The following NELL2 variants were observed in gnomAD, a reference collection of about 807,000 sequenced individuals.
NELL2 encodes neural EGFL like 2, also known as protein kinase C-binding protein NELL2.
In NELL2, 41 loss-of-function variants were observed where a neutral mutation model predicts 109.6. That is an observed-to-expected ratio of 0.37 (90% CI 0.29 to 0.49). The LOEUF (loss-of-function observed/expected upper bound fraction) is 0.49, where lower values mean the gene tolerates loss of function less well. Among genes scored for constraint, NELL2 ranks in the 20% least tolerant of loss-of-function variants. The pLI is 0.98. For synonymous variants in NELL2, 355 were observed against 344.7 expected (o/e 1.03, Z -0.33); for missense variants, 900 against 1,008.3 (o/e 0.89, Z 1.45).
At chr12:44,674,422 G>A (rs1314193171) in intron 12 of NELL2, among the ~76,000 whole-genome samples, 3 of 152,044 alleles carry the variant, frequency 2.0e-5, no homozygotes, top group Non-Finnish European at 2.9e-5. Flanking sequence ...GGTGTGGCAG[G>A]GCTTCAGGTG....
upstream of NELL2, among the ~76,000 whole-genome samples, chr12:44,915,539 G>A (rs775531555): frequency 6.6e-6 from 1 of 152,118 alleles, no homozygotes; most frequent in Non-Finnish European, 1.5e-5. Flanking sequence ...CCCCTCTCGA[G>A]TCTTCATCTT....
At chr12:44,571,185 A>T (rs1239522540) in intron 15 of NELL2, among the ~76,000 whole-genome samples, 3 of 152,234 alleles carry the variant, frequency 2.0e-5, no homozygotes, top group Non-Finnish European at 4.4e-5. Context: ...AACAGCCCTT[A>T]TAACCATTTC....
At chr12:44,625,176 C>G (rs1452606815) in intron 13 of NELL2, among the ~76,000 whole-genome samples, 1 of 151,846 alleles carries the variant, frequency 6.6e-6, no homozygotes, top group Non-Finnish European at 1.5e-5. Context: ...TTTGCCTAAA[C>G]TGTTTCCTTA....
chr12:44,549,392 G>A (rs928683928), intron 15 of NELL2, among the ~76,000 whole-genome samples: 7 of 152,138 alleles, frequency 4.6e-5, no homozygotes, highest in Non-Finnish European at 1.0e-4. Flanking sequence ...GGGAAGGGTG[G>A]GAGAGAGATT....
chr12:44,601,012 A>C (rs1280085631), intron 15 of NELL2, among the ~76,000 whole-genome samples: 4 of 152,202 alleles, frequency 2.6e-5, no homozygotes, highest in Non-Finnish European at 5.9e-5. Flanking sequence ...AAGGCACAAT[A>C]CAAGTTAATA....
chr12:44,849,058 T>A, intron 2 of NELL2, among the ~76,000 whole-genome samples: 1 of 152,228 alleles, frequency 6.6e-6, no homozygotes, highest in Non-Finnish European at 1.5e-5. Flanking sequence ...TTAGGTCTGT[T>A]TCTTTCTGTT....
chr12:44,639,424 T>G (rs1377748458), intron 13 of NELL2, among the ~76,000 whole-genome samples: 1 of 152,150 alleles, frequency 6.6e-6, no homozygotes, highest in African/African-American at 2.4e-5. Flanking sequence ...CACTCATAAA[T>G]CATCTTCAGC....
chr12:44,675,606 T>G (rs189244819), intron 12 of NELL2, among the ~76,000 whole-genome samples: 2 of 152,246 alleles, frequency 1.3e-5, no homozygotes, highest in East Asian at 3.9e-4. Flanking sequence ...AGAGGAACTT[T>G]AGAAATCATC....
chr12:44,841,983 A>T (rs1438524736), intron 2 of NELL2, among the ~76,000 whole-genome samples: 1 of 151,992 alleles, frequency 6.6e-6, no homozygotes, highest in Non-Finnish European at 1.5e-5. Flanking sequence ...AGTATTCTTC[A>T]AAGGAAGATA....
intron 12 of NELL2, among the ~76,000 whole-genome samples, chr12:44,686,705 G>A (rs970417870): frequency 2.0e-5 from 3 of 151,982 alleles, no homozygotes; most frequent in African/African-American, 4.8e-5. Context: ...CTGCTGGGGG[G>A]TGCCTCCCAG....
chr12:44,525,443 T>C (rs1157419854), intron 16 of NELL2, among the ~76,000 whole-genome samples: 2 of 152,236 alleles, frequency 1.3e-5, no homozygotes, highest in African/African-American at 4.8e-5. Flanking sequence ...AACCTCTTGC[T>C]ATCCAAGGAG....
At chr12:44,711,678 G>A (rs909580993) in intron 10 of NELL2, among the ~76,000 whole-genome samples, 13 of 151,956 alleles carry the variant, frequency 8.6e-5, no homozygotes, top group Non-Finnish European at 1.9e-4. Flanking sequence ...AATTTTGCTA[G>A]TTTTACAACA....
chr12:44,746,994 G>A (rs776236142), intron 9 of NELL2, among the ~76,000 whole-genome samples: 1 of 152,192 alleles, frequency 6.6e-6, no homozygotes, highest in Non-Finnish European at 1.5e-5. Flanking sequence ...AAAGACTCAT[G>A]CACACGTATG....
upstream of NELL2, among the ~76,000 whole-genome samples, chr12:44,916,348 G>A (rs1014202349): frequency 2.0e-4 from 31 of 151,978 alleles, no homozygotes; most frequent in South Asian, 2.1e-3. Context: ...AAGAGGAAGT[G>A]AAATAGAAAA....
chr12:44,524,421 G>C (rs923420427), intron 16 of NELL2, among the ~76,000 whole-genome samples: 4 of 152,138 alleles, frequency 2.6e-5, no homozygotes, highest in African/African-American at 9.7e-5. Context: ...TCTGAGTAAA[G>C]GTCAAGAAAG....
chr12:44,747,091 C>T (rs1485665818), intron 9 of NELL2, among the ~76,000 whole-genome samples: 2 of 152,192 alleles, frequency 1.3e-5, no homozygotes, highest in East Asian at 3.9e-4. Context: ...AAATGTGGCA[C>T]ATATACACCA....
intron 15 of NELL2, among the ~76,000 whole-genome samples, chr12:44,545,330 G>C (rs1293647667): frequency 8.6e-5 from 13 of 151,862 alleles, no homozygotes; most frequent in Non-Finnish European, 4.4e-5. Context: ...GTCATTTTTT[G>C]GTTTCGAGTT....
At chr12:44,786,630 T>C (rs1240552068) in intron 3 of NELL2, among the ~76,000 whole-genome samples, 2 of 152,164 alleles carry the variant, frequency 1.3e-5, no homozygotes, top group African/African-American at 4.8e-5. Flanking sequence ...CCAACCCAAA[T>C]GCCCATCAAT....
rs201377632 is a variant in NELL2, at chr12:44,728,868, T to C, written c.995-14127A>G. 3.9e-5 allele frequency among the ~76,000 whole-genome samples: 6 copies of C among 152,202 alleles called. No individual in the cohort carries two copies. In the East Asian group the frequency reaches 1.2e-3, roughly 29 times the overall value. On this transcript the variant is annotated intron_variant, in intron 9 of 19. Transcript: ENST00000429094. ...AGAAAAATCCACCAACCAAGAATAC[T>C]ATACATAGCCAAACTGTCCTTCAAA...
Sources: allele counts gnomAD v4.1 joint callset (sites outside exome capture counted in the v4.1 genomes callset), GRCh38; gene constraint gnomAD v4.1.1; transcripts MANE v1.5; gene names NCBI Gene and HGNC (gene_info 2026-07-23, HGNC 2026-07-21).